Variants in SV2C observed in about 807,000 individuals in gnomAD.
The protein encoded by SV2C is synaptic vesicle glycoprotein 2C, also known as solute carrier family 22 member B3.
SV2C carries 49 observed loss-of-function variants against 79.7 expected under a neutral mutation model. The ratio of observed to expected loss-of-function variants is 0.61; its 90% CI spans 0.49 to 0.78. SV2C has a LOEUF of 0.78. SV2C is among the 30% of genes least tolerant of loss of function. The pLI is 0.00. For synonymous variants in SV2C, 334 were observed against 333.2 expected, an observed-to-expected ratio of 1.00 and a Z score of -0.03; for missense variants, 833 against 912.9, an observed-to-expected ratio of 0.91 and a Z score of 1.13.
At chr5:76,130,678 CT>C (rs921152632) in intron 1 of SV2C, among the ~76,000 whole-genome samples, 2 of 152,048 alleles carry the variant, frequency 1.3e-5, no homozygotes, top group African/African-American at 4.8e-5. Flanking sequence ...TGAGGTCAGC[CT>C]GAATTTAAGG....
intron 6 of SV2C, among the ~76,000 whole-genome samples, chr5:76,287,091 G>C (rs1580026491): frequency 6.6e-6 from 1 of 152,134 alleles, no homozygotes; most frequent in South Asian, 2.1e-4. Context: ...ATGCTTTTCA[G>C]GTAGTGTATT....
In SV2C at chr5:76,210,538, C is replaced by A. The variant is rs1025296889; in HGVS notation, c.913+651C>A. Among the ~76,000 whole-genome samples, 6 of 152,328 alleles carry A rather than the reference C, an allele frequency of 3.9e-5. No individual in the cohort carries two copies. The East Asian group carries it at 7.7e-4, about 20-fold the overall frequency. On this transcript the variant is annotated intron_variant, in intron 4 of 12. Transcript: ENST00000502798. ...AAGAGGTGAGGGGCTTTCATGAGTT[C>A]TCCGCCTCACCACCATCCCAGTGCC... is the stretch of plus-strand genomic sequence containing the variant.
the SV2C span, among the ~76,000 whole-genome samples, chr5:76,037,253 T>C: frequency 7.9e-5 from 12 of 152,346 alleles, no homozygotes; most frequent in African/African-American, 2.9e-4. Context: ...CTCGTCAAAG[T>C]CATTCTATGT....
At chr5:75,975,844 T>C in the SV2C span, among the ~76,000 whole-genome samples, 1 of 152,114 alleles carries the variant, frequency 6.6e-6, no homozygotes, top group Non-Finnish European at 1.5e-5. Flanking sequence ...GCAGCATCGG[T>C]CTCTCTATCC....
the SV2C span, among the ~76,000 whole-genome samples, chr5:75,904,282 A>G: frequency 2.6e-5 from 4 of 152,214 alleles, no homozygotes; most frequent in Non-Finnish European, 5.9e-5. Context: ...GGAAGGCAAA[A>G]AGAACCAGCT....
the SV2C span, among the ~76,000 whole-genome samples, chr5:75,958,065 G>C: frequency 6.6e-6 from 1 of 151,932 alleles, no homozygotes; most frequent in Non-Finnish European, 1.5e-5. Flanking sequence ...GGTGCTACAG[G>C]TAACCTTGAT....
intron 2 of SV2C, among the ~76,000 whole-genome samples, chr5:76,148,794 G>C (rs1749513506): frequency 6.6e-6 from 1 of 152,180 alleles, no homozygotes; most frequent in Non-Finnish European, 1.5e-5. Context: ...AGAGGCTTTT[G>C]TCCCCACAGC....
the SV2C span, among the ~76,000 whole-genome samples, chr5:75,986,687 A>T: frequency 6.6e-6 from 1 of 151,990 alleles, no homozygotes; most frequent in Non-Finnish European, 1.5e-5. Flanking sequence ...GCAGGTAACA[A>T]ATACCACTGG....
chr5:76,177,355 A>G (rs1003516122), intron 2 of SV2C, among the ~76,000 whole-genome samples: 6 of 151,618 alleles, frequency 4.0e-5, no homozygotes, highest in Non-Finnish European at 8.8e-5. Flanking sequence ...CGCTAGTGAT[A>G]CCTAGAATCG....
At chr5:76,074,543 C>A in the SV2C span, among the ~76,000 whole-genome samples, 1 of 152,290 alleles carries the variant, frequency 6.6e-6, no homozygotes, top group East Asian at 1.9e-4. Flanking sequence ...TTTAGTTCAT[C>A]TCTCTCCTTC....
At chr5:76,169,858 G>A (rs944397340) in intron 2 of SV2C, among the ~76,000 whole-genome samples, 1 of 152,238 alleles carries the variant, frequency 6.6e-6, no homozygotes, top group East Asian at 1.9e-4. Flanking sequence ...GTCAATTTGT[G>A]GAGAAAGATT....
intron 7 of SV2C, 48 bp from the exon 8 acceptor site, chr5:76,291,720 G>T (rs1747571509): frequency 7.2e-7 from 1 of 1,391,504 alleles, no homozygotes; most frequent in Non-Finnish European, 1.0e-6. Flanking sequence ...GGGGAGTGGG[G>T]TTGACTAAGT....
the SV2C span, among the ~76,000 whole-genome samples, chr5:76,000,285 A>G: frequency 0.02 from 3,020 of 152,204 alleles, 61 homozygotes; most frequent in Middle Eastern, 0.075. Flanking sequence ...TACCCTCTCC[A>G]TGGCAAGCAG....
chr5:76,185,070 G>A (rs956250999), intron 2 of SV2C, among the ~76,000 whole-genome samples: 2 of 152,168 alleles, frequency 1.3e-5, no homozygotes, highest in African/African-American at 4.8e-5. Context: ...CAAAATGAAG[G>A]GGCTACAGGC....
At chr5:76,168,003 C>A (rs1743095012) in intron 2 of SV2C, among the ~76,000 whole-genome samples, 1 of 152,190 alleles carries the variant, frequency 6.6e-6, no homozygotes, top group Non-Finnish European at 1.5e-5. Context: ...TTCTTCCTTG[C>A]AATGAAATCC....
chr5:76,137,244 A>G (rs1749098270), intron 2 of SV2C, among the ~76,000 whole-genome samples: 2 of 152,216 alleles, frequency 1.3e-5, no homozygotes, highest in South Asian at 4.1e-4. Flanking sequence ...AGAAGGGTGA[A>G]TATCAGTTAG....
intron 2 of SV2C, among the ~76,000 whole-genome samples, chr5:76,185,995 C>T (rs1743903690): frequency 6.6e-6 from 1 of 152,202 alleles, no homozygotes; most frequent in African/African-American, 2.4e-5. Context: ...ACCAGATACC[C>T]TAAATCATCT....
the SV2C span, among the ~76,000 whole-genome samples, chr5:75,972,676 A>C: frequency 6.6e-6 from 1 of 152,136 alleles, no homozygotes; most frequent in African/African-American, 2.4e-5. Context: ...GTCAGGAAAC[A>C]ACAGGTGCTG....
At chr5:75,910,692 C>G in the SV2C span, 5 of 1,302,060 alleles carry the variant, frequency 3.8e-6, no homozygotes, top group Non-Finnish European at 5.5e-6. Context: ...ACTGCCAAGG[C>G]AGAGGAAGAG....
Sources: allele counts gnomAD v4.1 joint callset (sites outside exome capture counted in the v4.1 genomes callset), GRCh38; gene constraint gnomAD v4.1.1; transcripts MANE v1.5; gene names NCBI Gene and HGNC (gene_info 2026-07-23, HGNC 2026-07-21).